OPHN1: variants seen among roughly 807,000 people sequenced by gnomAD.
The protein encoded by OPHN1 is oligophrenin-1.
A neutral mutation model predicts 60.7 loss-of-function variants in OPHN1; 11 were observed. The observed-to-expected ratio is 0.18, with a 90% CI of 0.11 to 0.30. The LOEUF is 0.30. OPHN1 is among the 10% of genes least tolerant of loss of function. The probability of loss-of-function intolerance (pLI) is 1.00; values close to 1 mark genes in which losing one functional copy is unlikely to be tolerated. For synonymous variants in OPHN1, 226 were observed against 222.6 expected (o/e 1.02, Z -0.14); for missense variants, 449 against 611.0 (o/e 0.73, Z 2.80).
At chrX:68,198,232 G>C (rs2077520917) in intron 11 of OPHN1, among the ~76,000 whole-genome samples, 1 of 110,347 alleles carries the variant, frequency 9.1e-6, no homozygotes. Flanking sequence ...AATGGGATTA[G>C]GGCCCTTTTA....
intron 5 of OPHN1, among the ~76,000 whole-genome samples, chrX:68,253,048 C>G (rs1301892457): frequency 9.3e-6 from 1 of 107,866 alleles, no homozygotes; most frequent in Non-Finnish European, 1.9e-5. Flanking sequence ...AAAAAACAAG[C>G]AAGTAAAAAA....
rs771036239 is a variant in OPHN1, at chrX:68,206,647, A to G, written c.859T>C (p.Tyr287His). 2 of 1,205,419 alleles carry G rather than the reference A, an allele frequency of 1.7e-6. No individual in the cohort carries two copies. Among genetic ancestry groups the G allele is most frequent in the Non-Finnish European group, 2.2e-6 (2 of 891,065 alleles). Reference sequence around the variant, plus strand: ...GTCTCTTTCTCATACTGGCAATAGTATTTCACCCAGGATATTCCTAAAGCC... The same window carrying G: ...GTCTCTTTCTCATACTGGCAATAGTGTTTCACCCAGGATATTCCTAAAGCC... Reference protein sequence around the residue: ...KWALGISWVKYYCQYEKETKT... With the variant: ...KWALGISWVKHYCQYEKETKT... Residue 287 changes from tyrosine (Y) to histidine (H), a missense_variant, in exon 10 of 25, where the codon TAC becomes CAC. Tyr to His is a moderately conservative substitution (Grantham distance 83). This residue lies in a region of OPHN1 where 166 missense variants were observed against 278.4 expected (regional missense o/e 0.60). Coordinates refer to ENST00000355520, the MANE Select transcript of OPHN1 (RefSeq NM_002547.3).
At chrX:68,072,811 G>A (rs1404247067) in intron 20 of OPHN1, among the ~76,000 whole-genome samples, 1 of 111,756 alleles carries the variant, frequency 8.9e-6, no homozygotes, top group Non-Finnish European at 1.9e-5. Flanking sequence ...TCCAATCCGT[G>A]TTTGCTATAT....
At chrX:68,187,056 A>G (rs1387998986) in intron 15 of OPHN1, among the ~76,000 whole-genome samples, 3 of 112,135 alleles carry the variant, frequency 2.7e-5, no homozygotes, top group Non-Finnish European at 5.6e-5. Context: ...TCATAAGTCA[A>G]TAAGATAACC....
intron 13 of OPHN1, 58 bp downstream of exon 13, chrX:68,194,407 A>G (rs1448585896): frequency 3.1e-6 from 3 of 965,320 alleles, no homozygotes; most frequent in African/African-American, 1.9e-5. Flanking sequence ...GGTATTTACT[A>G]TGAATCGGAC....
intron 19 of OPHN1, among the ~76,000 whole-genome samples, chrX:68,088,767 A>G (rs1319341292): frequency 9.0e-6 from 1 of 110,770 alleles, no homozygotes; most frequent in Admixed American, 9.6e-5. Context: ...AAGTATGTCT[A>G]ATTATTGGTA....
At chrX:68,379,982 G>A (rs2078586256) in intron 2 of OPHN1, among the ~76,000 whole-genome samples, 1 of 110,390 alleles carries the variant, frequency 9.1e-6, no homozygotes, top group Non-Finnish European at 1.9e-5. Flanking sequence ...CTATTAATTG[G>A]AATAGTTTCA....
chrX:68,060,039 T>G (rs1332203897), intron 21 of OPHN1, among the ~76,000 whole-genome samples: 1 of 111,471 alleles, frequency 9.0e-6, no homozygotes, highest in Non-Finnish European at 1.9e-5. Context: ...CCTGATTAAA[T>G]AAACAAATAC....
intron 20 of OPHN1, among the ~76,000 whole-genome samples, chrX:68,065,006 G>A (rs868320284): frequency 9.0e-6 from 1 of 110,644 alleles, no homozygotes; most frequent in Non-Finnish European, 1.9e-5. Flanking sequence ...GTGGGCGGAG[G>A]GGGGAGGGAA....
intron 19 of OPHN1, among the ~76,000 whole-genome samples, chrX:68,083,822 T>C (rs1480247217): frequency 9.0e-6 from 1 of 111,595 alleles, no homozygotes; most frequent in African/African-American, 3.3e-5. Context: ...TCTCAGGGAA[T>C]AGGGAAGCAT....
intron 2 of OPHN1, among the ~76,000 whole-genome samples, chrX:68,369,931 G>C (rs982045585): frequency 2.0e-5 from 2 of 101,633 alleles, no homozygotes; most frequent in Non-Finnish European, 3.9e-5. Flanking sequence ...CATGTATAAG[G>C]CTCCTCATTA....
At chrX:68,395,334 TCTTAA>T (rs1479452522) in intron 2 of OPHN1, among the ~76,000 whole-genome samples, 2 of 110,861 alleles carry the variant, frequency 1.8e-5, no homozygotes, top group Admixed American at 1.9e-4. Flanking sequence ...AGTGGTGCAA[TCTTAA>T]CTTGCTGCAA....
At chrX:68,131,004 G>C (rs1208812228) in intron 15 of OPHN1, among the ~76,000 whole-genome samples, 1 of 110,689 alleles carries the variant, frequency 9.0e-6, no homozygotes, top group African/African-American at 3.3e-5. Context: ...ACTTTGAAAG[G>C]TATCATTTGT....
intron 2 of OPHN1, among the ~76,000 whole-genome samples, chrX:68,301,805 C>T (rs1207064861): frequency 3.6e-5 from 4 of 112,199 alleles, no homozygotes; most frequent in Non-Finnish European, 5.6e-5. Context: ...TATGTGTCTT[C>T]CACAATGTCT....
At chrX:68,345,661 G>A (rs938653321) in intron 2 of OPHN1, among the ~76,000 whole-genome samples, 2 of 111,533 alleles carry the variant, frequency 1.8e-5, no homozygotes, top group Non-Finnish European at 3.8e-5. Flanking sequence ...TTCCAGACCA[G>A]CCTGGGAAAC....
intron 2 of OPHN1, among the ~76,000 whole-genome samples, chrX:68,337,397 T>C (rs139900768): frequency 3.6e-5 from 4 of 112,184 alleles, no homozygotes; most frequent in African/African-American, 9.7e-5. Context: ...AGGAGGAATA[T>C]AGCAACGAAA....
chrX:68,324,603 T>C (rs1352543262), intron 2 of OPHN1, among the ~76,000 whole-genome samples: 5 of 97,421 alleles, frequency 5.1e-5, no homozygotes, highest in Non-Finnish European at 1.0e-4. Context: ...GACACAGTGA[T>C]ACCTTTTCTC....
At chrX:68,190,880 T>A (rs1304860778) in intron 15 of OPHN1, among the ~76,000 whole-genome samples, 1 of 111,733 alleles carries the variant, frequency 8.9e-6, no homozygotes, top group Admixed American at 9.5e-5. Flanking sequence ...GAATAAGCAA[T>A]CCAAATTTTT....
In OPHN1 at chrX:68,283,218, C is replaced by G. The variant is rs1472682007; in HGVS notation, c.251-101G>C. 8.1e-6 allele frequency: 5 copies of G among 616,671 alleles called. No individual in the cohort carries two copies. In the East Asian group the frequency reaches 1.8e-4, roughly 22 times the overall value. 50.8% of individuals were successfully genotyped at this position (616,671 alleles called of 1,213,427 possible). ...AGGAAGTAGGGACCAGTGCCCTATG[C>G]CCACATGGCCACTAGAGGAAGGTGT... On this transcript the variant is annotated intron_variant, in intron 3 of 24. Coordinates refer to ENST00000355520, the MANE Select transcript of OPHN1 (RefSeq NM_002547.3).
Sources: gnomAD v4.1 joint callset for allele counts (sites outside exome capture counted in the v4.1 genomes callset) on GRCh38, gnomAD v4.1.1 for gene constraint, gnomAD v4.1.1 regional missense constraint, MANE v1.5 for transcripts, NCBI Gene and HGNC (gene_info 2026-07-23, HGNC 2026-07-21) for gene names.